Variants in HIP1 observed in about 807,000 individuals in gnomAD.
The protein encoded by HIP1 is huntingtin interacting protein 1, also known as huntingtin-interacting protein 1.
HIP1 carries 65 observed loss-of-function variants against 147.6 expected under a neutral mutation model. The observed-to-expected ratio is 0.44, with a 90% CI of 0.36 to 0.54. The LOEUF (loss-of-function observed/expected upper bound fraction) is 0.54. Ranked by LOEUF, HIP1 falls within the 20% of genes least tolerant of loss-of-function variation. The pLI is 0.00. For missense variants in HIP1, 1,061 were observed against 1,299.6 expected (o/e 0.82, Z 2.82); for synonymous variants, 479 against 504.0 (o/e 0.95, Z 0.67).
At chr7:75,556,577 CG>C (rs1563200327) in intron 17 of HIP1, 132 bp downstream of exon 17, 2 of 637,314 alleles carry the variant, frequency 3.1e-6, no homozygotes, top group African/African-American at 1.8e-5. Context: ...CCCAGTTACT[CG>C]GGGGGCTAAG....
chr7:75,585,391 G>A (rs992640433), intron 5 of HIP1, among the ~76,000 whole-genome samples: 25 of 152,094 alleles, frequency 1.6e-4, no homozygotes, highest in Middle Eastern at 3.4e-3. Context: ...GGCCAGGCTG[G>A]TCTTGAACTC....
intron 1 of HIP1, among the ~76,000 whole-genome samples, chr7:75,604,452 T>A (rs1045002862): frequency 7.9e-5 from 12 of 152,120 alleles, no homozygotes; most frequent in African/African-American, 2.4e-4. Flanking sequence ...GGTGGGAAGA[T>A]CACTTCAGGA....
At chr7:75,597,695 A>G (rs782756454) in intron 2 of HIP1, among the ~76,000 whole-genome samples, 2 of 142,260 alleles carry the variant, frequency 1.4e-5, no homozygotes, top group African/African-American at 5.2e-5. Context: ...AGCTGAGATC[A>G]TGCCACTGCA....
intron 1 of HIP1, among the ~76,000 whole-genome samples, chr7:75,711,102 T>A (rs1801154681): frequency 1.3e-5 from 2 of 152,182 alleles, no homozygotes; most frequent in African/African-American, 4.8e-5. Context: ...TCCCCCAAAG[T>A]ATTAATATGT....
chr7:75,703,609 A>AC (rs1800903415), intron 1 of HIP1, among the ~76,000 whole-genome samples: 1 of 152,124 alleles, frequency 6.6e-6, no homozygotes, highest in African/African-American at 2.4e-5. Flanking sequence ...TCTCAAAAAA[A>AC]AAAACAAAAC....
chr7:75,681,497 CTTTTTTTTTTTTTTT>C (rs10546838), intron 1 of HIP1, among the ~76,000 whole-genome samples: 1 of 124,272 alleles, frequency 8.0e-6, no homozygotes, highest in Non-Finnish European at 1.7e-5. Flanking sequence ...ACAGCACCTG[CTTTTTTTTTTTTTTT>C]TTTTTTTTTT....
At position 75,542,929 on chromosome 7, in the gene HIP1, C is replaced by A. The variant is rs781966190; in HGVS notation, c.2812G>T (p.Ala938Ser). The A allele has an allele frequency of 6.2e-7, 1 of 1,614,094 alleles. No homozygotes were observed. The highest frequency in any genetic ancestry group is 8.5e-7 in the Non-Finnish European group (1 of 1,179,988). Residue 938 changes from alanine to serine, a missense_variant, in exon 28 of 31, where the codon GCC (alanine) becomes TCC (serine). Transcript: ENST00000336926. ...DSPNLAQLQQ[A>S]SRGVNQATAG... ...GTGGCCTGGTTCACTCCCCGAGAGG[C>A]CTGCTGCAGCTGGGCTAGGTTGGGG...
chr7:75,662,397 C>A (rs1050373863), intron 1 of HIP1, among the ~76,000 whole-genome samples: 13 of 152,148 alleles, frequency 8.5e-5, no homozygotes, highest in Admixed American at 2.0e-4. Flanking sequence ...TAGCTGGTCT[C>A]AAACTCCTGG....
Position 75,664,028 on chromosome 7 carries a change from GTATATA to G in HIP1, c.121-64787_121-64782del, listed in dbSNP as rs66807905. Among the ~76,000 whole-genome samples, 5 of 9,078 alleles carry G rather than the reference GTATATA, an allele frequency of 5.5e-4. 1 individual carries two copies. The highest frequency in any genetic ancestry group is 1.4e-3 in the African/African-American group (1 of 698). The allele number at this position is 9,078 out of a possible 152,430, so 6.0% of individuals were successfully genotyped here. ...TGTGTATATATATACACATATATGTGTATATATATACACATATATGTGTATATACAC... is the reference window on the plus strand; with the variant it reads ...TGTGTATATATATACACATATATGTGTATACACATATATGTGTATATACAC... On this transcript the variant is annotated intron_variant, in intron 1 of 30. Transcript: ENST00000336926.
intron 1 of HIP1, among the ~76,000 whole-genome samples, chr7:75,649,593 C>T (rs1554511636): frequency 6.6e-6 from 1 of 152,116 alleles, no homozygotes; most frequent in Non-Finnish European, 1.5e-5. Context: ...AGCCTGGGCC[C>T]CGCCCCAGGG....
At chr7:75,629,351 C>T (rs1798138406) in intron 1 of HIP1, among the ~76,000 whole-genome samples, 1 of 152,140 alleles carries the variant, frequency 6.6e-6, no homozygotes, top group African/African-American at 2.4e-5. Flanking sequence ...CACACCTGTG[C>T]CCACTCCTCC....
chr7:75,692,005 G>A (rs782279830), intron 1 of HIP1, among the ~76,000 whole-genome samples: 4 of 151,960 alleles, frequency 2.6e-5, no homozygotes, highest in African/African-American at 7.3e-5. Context: ...AGTCCTGAAT[G>A]GTGAACTGCA....
chr7:75,635,563 G>C (rs1554509538), intron 1 of HIP1, among the ~76,000 whole-genome samples: 2 of 125,900 alleles, frequency 1.6e-5, no homozygotes, highest in African/African-American at 5.9e-5. Context: ...GGGTGACAGA[G>C]AGAGACTCCA....
At chr7:75,563,099 A>G in intron 10 of HIP1, 24 bp from the exon 11 acceptor site, 1 of 1,614,102 alleles carries the variant, frequency 6.2e-7, no homozygotes, top group Non-Finnish European at 8.5e-7. Flanking sequence ...CACATCCTCA[A>G]ATAGTGCTTG....
At chr7:75,561,536 T>C in intron 12 of HIP1, 135 bp from the exon 13 acceptor site, 1 of 679,436 alleles carries the variant, frequency 1.5e-6, no homozygotes, top group Middle Eastern at 3.1e-4. Context: ...AATTATACTC[T>C]AAATGTTACC....
intron 24 of HIP1, 63 bp downstream of exon 24, chr7:75,547,692 A>G (rs1191704830): frequency 7.3e-7 from 1 of 1,374,168 alleles, no homozygotes; most frequent in African/African-American, 1.4e-5. Flanking sequence ...TATGCAAAGT[A>G]TAGACCAATG....
At chr7:75,565,205 C>A (rs1359637383) in intron 9 of HIP1, among the ~76,000 whole-genome samples, 1 of 152,198 alleles carries the variant, frequency 6.6e-6, no homozygotes, top group Admixed American at 6.6e-5. Flanking sequence ...ACTGCTGCTT[C>A]CCCTGAATTC....
intron 11 of HIP1, 33 bp from the exon 12 acceptor site, chr7:75,562,203 C>T: frequency 7.2e-7 from 1 of 1,385,940 alleles, no homozygotes; most frequent in Non-Finnish European, 1.0e-6. Context: ...GAGAATAAGT[C>T]AGAGAGCCAG....
At chr7:75,714,227 A>G (rs1385455800) in intron 1 of HIP1, among the ~76,000 whole-genome samples, 1 of 150,830 alleles carries the variant, frequency 6.6e-6, no homozygotes, top group Non-Finnish European at 1.5e-5. Flanking sequence ...TTTAGTGGAG[A>G]TGGGGTTTCA....
Sources: gnomAD v4.1 joint callset for allele counts (sites outside exome capture counted in the v4.1 genomes callset) on GRCh38, gnomAD v4.1.1 for gene constraint, MANE v1.5 for transcripts, NCBI Gene and HGNC (gene_info 2026-07-23, HGNC 2026-07-21) for gene names.